The following CFHR2 variants were observed in gnomAD, a reference collection of about 807,000 sequenced individuals.
CFHR2 encodes the protein complement factor H-related protein 2.
Under a neutral mutation model 21.7 loss-of-function variants are expected in CFHR2, and 22 were observed. The ratio of observed to expected loss-of-function variants is 1.01; its 90% CI spans 0.72 to 1.45. The LOEUF (loss-of-function observed/expected upper bound fraction) is 1.45, where lower values mean the gene tolerates loss of function less well. Among genes scored for constraint, CFHR2 ranks in the 40% most tolerant of loss-of-function variants. CFHR2 has a pLI of 0.00. For synonymous variants in CFHR2, 98 were observed against 97.4 expected, an observed-to-expected ratio of 1.01 and a Z score of -0.04; for missense variants, 294 against 293.3, an observed-to-expected ratio of 1.00 and a Z score of -0.02.
chr1:196,950,169 T>C (rs1323150664), intron 2 of CFHR2, among the ~76,000 whole-genome samples: 2 of 152,154 alleles, frequency 1.3e-5, no homozygotes, highest in African/African-American at 4.8e-5. Flanking sequence ...GGGAGACAGA[T>C]AGATGAGGCA....
intron 3 of CFHR2, among the ~76,000 whole-genome samples, chr1:196,951,696 T>C (rs1659733670): frequency 6.6e-6 from 1 of 152,236 alleles, no homozygotes; most frequent in East Asian, 1.9e-4. Context: ...AGGAGCCCGA[T>C]GGAAACTTCT....
chr1:196,944,055 TATA>T, intron 1 of CFHR2, 117 bp downstream of exon 1: 2 of 295,972 alleles, frequency 6.8e-6, no homozygotes, highest in Non-Finnish European at 1.2e-5. Flanking sequence ...TTAAATGAGT[TATA>T]ATATTAATCT....
At chr1:196,957,740 A>T in intron 3 of CFHR2, 151 bp from the exon 4 acceptor site, 1 of 670,728 alleles carries the variant, frequency 1.5e-6, no homozygotes, top group Non-Finnish European at 2.5e-6. Context: ...TTTAACTTTC[A>T]GTTTGTAGGA....
intron 2 of CFHR2, among the ~76,000 whole-genome samples, chr1:196,949,955 T>A (rs984934523): frequency 1.1e-4 from 17 of 152,234 alleles, no homozygotes; most frequent in Admixed American, 1.1e-3. Context: ...AGCCTGATCA[T>A]AGTTTTCCTT....
At chr1:196,951,270 T>A (rs538185407) in intron 3 of CFHR2, among the ~76,000 whole-genome samples, 5 of 152,280 alleles carry the variant, frequency 3.3e-5, no homozygotes, top group Admixed American at 6.5e-5. Flanking sequence ...TTGAAGATAA[T>A]CCCTTGAAGT....
chr1:196,947,066 G>A (rs1659529150), intron 1 of CFHR2, among the ~76,000 whole-genome samples: 1 of 152,072 alleles, frequency 6.6e-6, no homozygotes, highest in Non-Finnish European at 1.5e-5. Flanking sequence ...ACTGTCACAT[G>A]AGCGATCAGT....
intron 3 of CFHR2, among the ~76,000 whole-genome samples, chr1:196,956,271 T>C (rs1429055751): frequency 1.3e-5 from 2 of 152,242 alleles, no homozygotes; most frequent in Non-Finnish European, 2.9e-5. Flanking sequence ...AGTCTTCTGA[T>C]ATCATTCCCT....
chr1:196,959,482 A>G lies in CFHR2; in HGVS notation c.*402A>G, dbSNP rs1653034155. On this transcript the variant is annotated 3_prime_UTR_variant, in exon 5 of 5. Coordinates refer to ENST00000367415, the MANE Select transcript of CFHR2 (RefSeq NM_005666.4). ...CCAGCTATTTGGTACTTCATAGTAT[A>G]TTACTGGTAACTGAAGGAATTATAT... Among the ~76,000 whole-genome samples, 1 of 152,150 alleles carries G rather than the reference A, an allele frequency of 6.6e-6. No individual in the cohort carries two copies. Among genetic ancestry groups the G allele is most frequent in the South Asian group, 2.1e-4 (1 of 4,824 alleles).
At chr1:196,948,066 A>G (rs1205311285) in intron 1 of CFHR2, among the ~76,000 whole-genome samples, 1 of 152,138 alleles carries the variant, frequency 6.6e-6, no homozygotes, top group Admixed American at 6.6e-5. Context: ...CCCATTTTCT[A>G]CATTGTTTTA....
intron 1 of CFHR2, among the ~76,000 whole-genome samples, chr1:196,948,168 C>T (rs191804930): frequency 2.1e-3 from 312 of 152,128 alleles, no homozygotes; most frequent in African/African-American, 7.2e-3. Context: ...AGGACTCTAC[C>T]CACCCCCAGT....
Position 196,958,934 on chromosome 1 carries a change from TG to T in CFHR2, c.669del (p.Trp223Ter). 6.2e-7 allele frequency: 1 copy of T among 1,603,254 alleles called. No individual in the cohort carries two copies. The highest frequency in any genetic ancestry group is 8.5e-7 in the Non-Finnish European group (1 of 1,171,080). On this transcript the variant is annotated frameshift_variant, in exon 5 of 5. Coordinates refer to ENST00000367415, the MANE Select transcript of CFHR2 (RefSeq NM_005666.4). LOFTEE classifies it low-confidence loss of function (END_TRUNC). Reference protein sequence around the residue: ...IMEKYNIKLKWTNQQKLYSRT... With the variant: ...IMEKYNIKLKXTNQQKLYSRT... ...GGAAAAATATAACATAAAATTAAAG[TG>T]GACAAACCAACAAAAGCTTTATTCA...
At chr1:196,955,515 A>G (rs1652835141) in intron 3 of CFHR2, among the ~76,000 whole-genome samples, 1 of 152,124 alleles carries the variant, frequency 6.6e-6, no homozygotes. Context: ...CCACTGTCAC[A>G]CTGCTATAAA....
At chr1:196,955,151 C>G (rs1257563593) in intron 3 of CFHR2, among the ~76,000 whole-genome samples, 2 of 152,144 alleles carry the variant, frequency 1.3e-5, no homozygotes, top group Non-Finnish European at 2.9e-5. Flanking sequence ...TCCAGTTACC[C>G]TAAATCATCT....
At chr1:196,954,929 C>G (rs1162095489) in intron 3 of CFHR2, among the ~76,000 whole-genome samples, 2 of 152,242 alleles carry the variant, frequency 1.3e-5, no homozygotes, top group Admixed American at 6.5e-5. Flanking sequence ...TTGGGAAAGC[C>G]TCAAAGATCT....
At chr1:196,946,914 C>T (rs1374598883) in intron 1 of CFHR2, among the ~76,000 whole-genome samples, 2 of 152,098 alleles carry the variant, frequency 1.3e-5, no homozygotes, top group Non-Finnish European at 2.9e-5. Flanking sequence ...TTGTGTGTGG[C>T]ATATTTTTAT....
intron 3 of CFHR2, among the ~76,000 whole-genome samples, chr1:196,957,564 A>G (rs2125014747): frequency 6.6e-6 from 1 of 152,290 alleles, no homozygotes; most frequent in Non-Finnish European, 1.5e-5. Flanking sequence ...ATAAACTCCA[A>G]AGAATGTTGA....
chr1:196,947,994 AAT>A (rs1198736268), intron 1 of CFHR2, among the ~76,000 whole-genome samples: 1 of 152,186 alleles, frequency 6.6e-6, no homozygotes, highest in Admixed American at 6.5e-5. Context: ...GTCTTATAAA[AAT>A]ATGTGTGTAT....
In CFHR2 at chr1:196,950,996, G is replaced by A; in HGVS notation, c.398G>A (p.Gly133Asp). 6.2e-7 allele frequency: 1 copy of A among 1,613,966 alleles called. No homozygotes were observed. Among genetic ancestry groups the A allele is most frequent in the Non-Finnish European group, 8.5e-7 (1 of 1,179,974 alleles). ...NENNISCVERGWSTPPKCRST... is the reference protein window; with the variant it reads ...NENNISCVERDWSTPPKCRST... The stretch of plus-strand genomic sequence containing the variant: ...AACAACATTTCATGTGTAGAACGGG[G>A]CTGGTCCACTCCTCCCAAATGCAGG... Residue 133 changes from glycine (G) to aspartate (D), a missense_variant, in exon 3 of 5, where the codon GGC becomes GAC. Transcript: ENST00000367415.
chr1:196,959,082 A>G lies in CFHR2; in HGVS notation c.*2A>G, dbSNP rs1181264845. 8 of 1,579,254 alleles carry G rather than the reference A, an allele frequency of 5.1e-6. No homozygotes were observed. The highest frequency in any genetic ancestry group is 6.9e-6 in the Non-Finnish European group (8 of 1,155,468). ...TATCCCAGTTGTGAAGAAAAATAGA[A>G]TCAATGGCATTACTATTAGTAAAAT... is the stretch of plus-strand genomic sequence containing the variant. On this transcript the variant is annotated 3_prime_UTR_variant, in exon 5 of 5. Transcript: ENST00000367415.
Sources: gnomAD v4.1 joint callset for allele counts (sites outside exome capture counted in the v4.1 genomes callset) on GRCh38, gnomAD v4.1.1 for gene constraint, MANE v1.5 for transcripts, NCBI Gene and HGNC (gene_info 2026-07-23, HGNC 2026-07-21) for gene names.